The following CAST variants were observed in gnomAD, a reference collection of about 807,000 sequenced individuals.
CAST encodes the protein calpastatin.
Under a neutral mutation model 119.6 loss-of-function variants are expected in CAST, and 76 were observed. The ratio of observed to expected loss-of-function variants is 0.64; its 90% CI spans 0.53 to 0.77. The LOEUF (loss-of-function observed/expected upper bound fraction) is 0.77, where lower values mean the gene tolerates loss of function less well. Ranked by LOEUF, CAST falls within the 30% of genes least tolerant of loss-of-function variation. CAST has a pLI of 0.00. For synonymous variants in CAST, 319 were observed against 331.6 expected (o/e 0.96, Z 0.41); for missense variants, 953 against 946.5 (o/e 1.01, Z -0.09).
At chr5:96,426,444 C>T in the CAST span, among the ~76,000 whole-genome samples, 1 of 152,138 alleles carries the variant, frequency 6.6e-6, no homozygotes, top group Admixed American at 6.5e-5. Flanking sequence ...TTGAAACTCC[C>T]TCCCCTGTGC....
At chr5:96,087,196 A>T in the CAST span, among the ~76,000 whole-genome samples, 2 of 152,228 alleles carry the variant, frequency 1.3e-5, no homozygotes, top group Non-Finnish European at 2.9e-5. Context: ...CTCTAGCATA[A>T]CATTTTGATA....
the CAST span, among the ~76,000 whole-genome samples, chr5:96,441,500 C>T: frequency 6.6e-6 from 1 of 152,058 alleles, no homozygotes. Context: ...CCTTGAGAAC[C>T]TGATCCTTCC....
At chr5:96,513,692 G>A in the CAST span, among the ~76,000 whole-genome samples, 1 of 152,198 alleles carries the variant, frequency 6.6e-6, no homozygotes, top group Non-Finnish European at 1.5e-5. Context: ...TCTGTTCCAA[G>A]AGAAAATGAA....
At chr5:96,071,635 G>A in the CAST span, among the ~76,000 whole-genome samples, 1 of 152,030 alleles carries the variant, frequency 6.6e-6, no homozygotes, top group African/African-American at 2.4e-5. Context: ...TTCTTTGCTT[G>A]TCTCTCACCT....
At chr5:96,243,706 G>A in the CAST span, among the ~76,000 whole-genome samples, 1 of 152,180 alleles carries the variant, frequency 6.6e-6, no homozygotes, top group Admixed American at 6.5e-5. Context: ...AGTCAGGCAT[G>A]TGGGTTTTAT....
intron 1 of CAST, among the ~76,000 whole-genome samples, chr5:96,666,343 C>A (rs540394528): frequency 6.6e-6 from 1 of 151,988 alleles, no homozygotes; most frequent in Admixed American, 6.6e-5. Context: ...CAAGCATGAA[C>A]GAAGGTTAAT....
chr5:96,685,961 A>AT (rs537933729), intron 2 of CAST, among the ~76,000 whole-genome samples: 33 of 149,912 alleles, frequency 2.2e-4, no homozygotes, highest in Middle Eastern at 3.4e-3. Flanking sequence ...TTTTTCTTTC[A>AT]TTTTTTTTTC....
chr5:96,529,975 A>G (rs1042867268), intron 1 of CAST: 2 of 264,534 alleles, frequency 7.6e-6, no homozygotes, highest in South Asian at 3.4e-5. Context: ...CATTCTATAT[A>G]TATTTGGTGA....
chr5:96,538,033 T>C (rs1745848733), intron 1 of CAST, among the ~76,000 whole-genome samples: 1 of 152,208 alleles, frequency 6.6e-6, no homozygotes, highest in Non-Finnish European at 1.5e-5. Flanking sequence ...AGGCTCTATC[T>C]GTTTTCTCTC....
At chr5:96,020,391 G>A in the CAST span, among the ~76,000 whole-genome samples, 1 of 152,124 alleles carries the variant, frequency 6.6e-6, no homozygotes, top group Non-Finnish European at 1.5e-5. Flanking sequence ...GTCCTCTAGG[G>A]GTCCACAACC....
intron 1 of CAST, among the ~76,000 whole-genome samples, chr5:96,540,394 TATTTATTTTACCTTTATTTTTATTCTTGC>T (rs1745890738): frequency 6.6e-6 from 1 of 152,074 alleles, no homozygotes; most frequent in Non-Finnish European, 1.5e-5. Flanking sequence ...TCTGAAACAG[TATTTATTTTACCTTTATTTTTATTCTTGC>T]AGTAACTTTT....
intron 1 of CAST, among the ~76,000 whole-genome samples, chr5:96,582,185 T>C (rs1021818785): frequency 6.0e-5 from 9 of 150,378 alleles, no homozygotes; most frequent in Non-Finnish European, 1.0e-4. Context: ...GACCTTCTTA[T>C]GGTAAAGGAA....
At chr5:96,414,151 A>C in the CAST span, among the ~76,000 whole-genome samples, 1 of 151,612 alleles carries the variant, frequency 6.6e-6, no homozygotes, top group African/African-American at 2.4e-5. Flanking sequence ...AAAAAAAAAA[A>C]AAAATCCCAG....
chr5:96,542,478 A>G (rs1000534806), intron 1 of CAST, among the ~76,000 whole-genome samples: 3 of 151,994 alleles, frequency 2.0e-5, no homozygotes, highest in Non-Finnish European at 4.4e-5. Flanking sequence ...AGCTATTCTA[A>G]TGGGTGTGTA....
intron 1 of CAST, among the ~76,000 whole-genome samples, chr5:96,556,797 C>G (rs1746250185): frequency 6.6e-6 from 1 of 152,150 alleles, no homozygotes; most frequent in Non-Finnish European, 1.5e-5. Flanking sequence ...AGGATATTAT[C>G]CAGGAAAACT....
the CAST span, among the ~76,000 whole-genome samples, chr5:96,270,168 A>G: frequency 1.3e-5 from 2 of 152,182 alleles, no homozygotes; most frequent in Admixed American, 1.3e-4. Flanking sequence ...GATGCCAAAA[A>G]AAGCATTTGA....
chr5:96,656,411 G>C (rs1056952699), intron 1 of CAST, among the ~76,000 whole-genome samples: 3 of 152,172 alleles, frequency 2.0e-5, no homozygotes, highest in Non-Finnish European at 4.4e-5. Flanking sequence ...CCTCACTAGA[G>C]AGTGCAGCTC....
At chr5:96,524,779 A>G (rs983637212), upstream of CAST, among the ~76,000 whole-genome samples, 2 of 152,190 alleles carry the variant, frequency 1.3e-5, no homozygotes, top group African/African-American at 4.8e-5. Context: ...TCCCACCACC[A>G]CAGGCAGACA....
the CAST span, among the ~76,000 whole-genome samples, chr5:96,101,520 C>G: frequency 3.9e-5 from 6 of 152,216 alleles, no homozygotes; most frequent in Admixed American, 1.3e-4. Flanking sequence ...TGGACATCAT[C>G]CATTGTGCTT....
Sources: allele counts gnomAD v4.1 joint callset (sites outside exome capture counted in the v4.1 genomes callset), GRCh38; gene constraint gnomAD v4.1.1; transcripts MANE v1.5; gene names NCBI Gene and HGNC (gene_info 2026-07-23, HGNC 2026-07-21).